The following NBEAL2 variants were observed in gnomAD, a reference collection of about 807,000 sequenced individuals.
The protein encoded by NBEAL2 is neurobeachin-like protein 2.
Under a neutral mutation model 299.8 loss-of-function variants are expected in NBEAL2, and 160 were observed. That is an observed-to-expected ratio of 0.53 (90% confidence interval 0.47 to 0.61). NBEAL2 has a LOEUF of 0.61. Ranked by LOEUF, NBEAL2 falls within the 20% of genes least tolerant of loss-of-function variation. The pLI is 0.00. For synonymous variants in NBEAL2, 1,493 were observed against 1,542.3 expected, an observed-to-expected ratio of 0.97 and a Z score of 0.75; for missense variants, 3,112 against 3,649.0, an observed-to-expected ratio of 0.85 and a Z score of 3.79.
intron 1 of NBEAL2, among the ~76,000 whole-genome samples, chr3:46,984,702 G>A (rs1001197939): frequency 4.6e-5 from 7 of 152,102 alleles, no homozygotes; most frequent in East Asian, 1.9e-4. Flanking sequence ...GCTCACTACC[G>A]CCCAGGCAGC....
Position 47,006,078 on chromosome 3 carries a change from G to A in NBEAL2, c.6919+15G>A, listed in dbSNP as rs1404306676. 4 of 1,612,930 alleles carry A rather than the reference G, an allele frequency of 2.5e-6. No individual in the cohort carries two copies. Among genetic ancestry groups the A allele is most frequent in the Non-Finnish European group, 3.4e-6 (4 of 1,179,272 alleles). On this transcript the variant is annotated intron_variant, in intron 43 of 53. Transcript: ENST00000450053. Reference sequence around the variant, plus strand: ...CACCTATGAGGGTGGGCAGTGCGCTGGACTCCAGTCAGGGCCAGGACAAGA... The same window carrying A: ...CACCTATGAGGGTGGGCAGTGCGCTAGACTCCAGTCAGGGCCAGGACAAGA...
chr3:46,994,668 C>T (rs1353464684), intron 12 of NBEAL2, 115 bp downstream of exon 12: 3 of 883,458 alleles, frequency 3.4e-6, no homozygotes, highest in African/African-American at 3.3e-5. Flanking sequence ...CCAGTACATA[C>T]TGTTACCTGT....
In NBEAL2 at chr3:47,000,174, G is replaced by A; in HGVS notation, c.4075G>A (p.Gly1359Ser). Residue 1359 changes from glycine to serine, a missense_variant, in exon 27 of 54, where the codon GGC becomes AGC. By Grantham distance (56) the Gly-to-Ser change is moderately conservative. Coordinates refer to ENST00000450053, the MANE Select transcript of NBEAL2 (RefSeq NM_015175.3). This position sits in a 1 kb window ranked among gnomAD's most constrained non-coding sequence, Gnocchi z 4.5. Reference sequence around the variant, plus strand: ...CCCATTCTGCACGCCCTTTGACCTGGGCCTGGAACGGTCTAGTGTAGGATC... The same window carrying A: ...CCCATTCTGCACGCCCTTTGACCTGAGCCTGGAACGGTCTAGTGTAGGATC... Reference protein sequence around the residue: ...LSPFCTPFDLGLERSSVGSGN... With the variant: ...LSPFCTPFDLSLERSSVGSGN... The A allele has an allele frequency of 1.2e-6, 2 of 1,613,772 alleles. No homozygotes were observed. Among genetic ancestry groups the A allele is most frequent in the Non-Finnish European group, 1.7e-6 (2 of 1,179,874 alleles).
chr3:47,008,307 G>A lies in NBEAL2; in HGVS notation c.7744G>A (p.Val2582Ile), dbSNP rs746929371. The change falls in exon 51 of 54, where the codon GTA (valine) becomes ATA (isoleucine). Residue 2582 changes from valine (V) to isoleucine (I), a missense_variant. Physicochemically the swap from Val to Ile is conservative, Grantham distance 29 (BLOSUM62 3). Transcript: ENST00000450053. ...SEDGTVIIHT[V>I]RRGQFVAALR... is the part of the protein sequence containing the mutation. Reference sequence around the variant, plus strand: ...GGATGGAACTGTGATCATACACACTGTACGCCGCGGACAGTTTGTAGCGGC... The same window carrying A: ...GGATGGAACTGTGATCATACACACTATACGCCGCGGACAGTTTGTAGCGGC... 1.9e-6 allele frequency: 3 copies of A among 1,613,056 alleles called. No homozygotes were observed. Among genetic ancestry groups the A allele is most frequent in the Non-Finnish European group, 2.5e-6 (3 of 1,179,424 alleles).
rs757481997 is a variant in NBEAL2, at chr3:47,009,292, C to G, written c.8237C>G (p.Thr2746Arg). ...ATCTCCCAGGTGTCCTCGGGAGAGA[C>G]GGAATACAACCCTACTGAGGCGCGC... The part of the protein sequence containing the change: ...RRISQVSSGE[T>R]EYNPTEAR The change falls in exon 54 of 54, where the codon ACG (threonine) becomes AGG (arginine). Residue 2746 changes from threonine (T) to arginine (R), a missense_variant. By Grantham distance (71) the Thr-to-Arg change is moderately conservative (BLOSUM62 -1). This residue lies in a region of NBEAL2 where 348 missense variants were observed against 381.4 expected (regional missense o/e 0.91). Transcript: ENST00000450053. The G allele has an allele frequency of 6.2e-7, 1 of 1,601,000 alleles. No individual in the cohort carries two copies. Among genetic ancestry groups the G allele is most frequent in the Admixed American group, 1.7e-5 (1 of 58,948 alleles).
intron 23 of NBEAL2, 24 bp from the exon 24 acceptor site, chr3:46,998,935 C>T (rs1367316538): frequency 6.2e-7 from 1 of 1,603,448 alleles, no homozygotes; most frequent in South Asian, 1.1e-5. Context: ...GGGCCCGACA[C>T]AGTGTGAGAC....
At position 46,989,696 on chromosome 3, in the gene NBEAL2, G is replaced by T; in HGVS notation, c.556+103G>T. 1 of 1,050,818 alleles carries T rather than the reference G, an allele frequency of 9.5e-7. No homozygotes were observed. Among genetic ancestry groups the T allele is most frequent in the Non-Finnish European group, 1.4e-6 (1 of 693,914 alleles). The allele number at this position is 1,050,818 out of a possible 1,614,324, so 65.1% of individuals were successfully genotyped here. A position where few individuals can be genotyped will look rare whatever the true frequency, so the allele number is the denominator to read the frequency against. On this transcript the variant is annotated intron_variant, in intron 6 of 53. Transcript: ENST00000450053. The surrounding 1 kb of genome is among the most constrained non-coding windows in gnomAD (Gnocchi z 5.5). ...ACACAGGAACCACTTGGTGGTGGCT[G>T]CATGCAGGACTGGGAGAACCAAAGA...
chr3:47,000,347 C>T lies in NBEAL2; in HGVS notation c.4248C>T (p.Gly1416=), dbSNP rs758751778. 4 of 1,602,106 alleles carry T rather than the reference C, an allele frequency of 2.5e-6. No homozygotes were observed. Among genetic ancestry groups the T allele is most frequent in the Admixed American group, 1.7e-5 (1 of 59,692 alleles). The change falls in exon 27 of 54, where the codon GGC becomes GGT. Residue 1416 remains glycine (G), a synonymous_variant. Coordinates refer to ENST00000450053, the MANE Select transcript of NBEAL2 (RefSeq NM_015175.3). The surrounding 1 kb of genome is among the most constrained non-coding windows in gnomAD (Gnocchi z 4.5). ...SSSLSNVLED[G]SLPEPTISGD... ...GTCTCTCCAATGTGCTGGAGGACGGCAGCCTCCCGGAGCCCACCATTAGCG... is the reference window on the plus strand; with the variant it reads ...GTCTCTCCAATGTGCTGGAGGACGGTAGCCTCCCGGAGCCCACCATTAGCG...
intron 40 of NBEAL2, 40 bp from the exon 41 acceptor site, chr3:47,005,449 A>G (rs1263471999): frequency 6.3e-7 from 1 of 1,599,562 alleles, no homozygotes; most frequent in Non-Finnish European, 8.5e-7. Context: ...CCCTGTCTCC[A>G]TTCTCCCCAC....
rs1401197418 is a variant in NBEAL2, at chr3:47,000,040, A to G, written c.3941A>G (p.Lys1314Arg). 6.2e-7 allele frequency: 1 copy of G among 1,612,914 alleles called. No individual in the cohort carries two copies. Among genetic ancestry groups the G allele is most frequent in the African/African-American group, 1.3e-5 (1 of 74,800 alleles). The change falls in exon 27 of 54, where the codon AAG becomes AGG. Residue 1314 changes from lysine (K) to arginine (R), a missense_variant. Around this residue, in one of 3 missense-constraint regions of NBEAL2, gnomAD observed 2,243 missense variants for 2,538.1 expected, o/e 0.88. Transcript: ENST00000450053. The surrounding 1 kb of genome is among the most constrained non-coding windows in gnomAD (Gnocchi z 4.5). ...PSSPESPTSP[K>R]PAPPKPPTES... ...TCCCCAGAGTCACCTACCTCCCCCA[A>G]GCCAGCCCCACCCAAGCCACCCACT... is the stretch of plus-strand genomic sequence containing the variant.
rs748565589 is a variant in NBEAL2 at position 46,996,779 on chromosome 3, T to G, written c.2502T>G (p.Pro834=). ...CCAATGAGACGGCACCCTTCAAGCC[T>G]GAGGGGGAGCTGCATGAGCTCAGCA... ...LGPNETAPFK[P]EGELHELSTR... The change falls in exon 17 of 54, where the codon CCT becomes CCG. Residue 834 remains proline (P), a synonymous_variant. Transcript: ENST00000450053. 1 of 1,612,594 alleles carries G rather than the reference T, an allele frequency of 6.2e-7. No individual in the cohort carries two copies. Among genetic ancestry groups the G allele is most frequent in the South Asian group, 1.1e-5 (1 of 91,066 alleles).
intron 23 of NBEAL2, 32 bp from the exon 24 acceptor site, chr3:46,998,927 G>T (rs1159356435): frequency 1.9e-6 from 3 of 1,598,968 alleles, no homozygotes; most frequent in East Asian, 4.5e-5. Context: ...GGGAGTGGGG[G>T]CCCGACACAG....
chr3:47,007,840 A>G lies in NBEAL2; in HGVS notation c.7532A>G (p.Asp2511Gly). 6.2e-7 allele frequency: 1 copy of G among 1,613,548 alleles called. No individual in the cohort carries two copies. The highest frequency in any genetic ancestry group is 1.3e-5 in the African/African-American group (1 of 75,022). The change falls in exon 49 of 54, where the codon GAC becomes GGC. Residue 2511 changes from aspartate (D) to glycine (G), a missense_variant. Coordinates refer to ENST00000450053, the MANE Select transcript of NBEAL2 (RefSeq NM_015175.3). ...HLDVVTCLAL[D>G]TCGIYLISGS... ...GATGTAGTAACCTGCCTTGCACTGGACACCTGTGGCATCTACCTCATCTCA... is the reference window on the plus strand; with the variant it reads ...GATGTAGTAACCTGCCTTGCACTGGGCACCTGTGGCATCTACCTCATCTCA...
Position 46,989,230 on chromosome 3 carries a change from G to A in NBEAL2, c.352-30G>A, listed in dbSNP as rs192490423. ...CAGGGAGGCAGGCGGTAGCCATGGCGGGGCTAACCCTCTCTCCCCACACCT... is the reference window on the plus strand; with the variant it reads ...CAGGGAGGCAGGCGGTAGCCATGGCAGGGCTAACCCTCTCTCCCCACACCT... On this transcript the variant is annotated intron_variant, in intron 4 of 53. Transcript: ENST00000450053. The surrounding 1 kb of genome is among the most constrained non-coding windows in gnomAD (Gnocchi z 5.5). The A allele has an allele frequency of 5.0e-5, 80 of 1,612,388 alleles. No homozygotes were observed. The African/African-American group carries it at 6.5e-4, about 13-fold the overall frequency.
At chr3:46,999,761 C>A in intron 26 of NBEAL2, 46 bp downstream of exon 26, 1 of 1,596,680 alleles carries the variant, frequency 6.3e-7, no homozygotes, top group East Asian at 2.3e-5. Flanking sequence ...AGGGTGGCTT[C>A]TACCCTCTGG....
In NBEAL2 at chr3:46,988,104, C is replaced by G. The variant is rs1249153805; in HGVS notation, c.52-565C>G. 1.7e-6 allele frequency: 2 copies of G among 1,199,130 alleles called. No individual in the cohort carries two copies. Among genetic ancestry groups the G allele is most frequent in the African/African-American group, 3.2e-5 (2 of 61,596 alleles). 74.3% of individuals were successfully genotyped at this position (1,199,130 alleles called of 1,614,324 possible). ...TAACCAGCAAGGGTGGGTGGAGGTT[C>G]CCGGGGCAAGGCAGGGCCGCACATG... On this transcript the variant is annotated intron_variant, in intron 1 of 53. Coordinates refer to ENST00000450053, the MANE Select transcript of NBEAL2 (RefSeq NM_015175.3). The surrounding 1 kb of genome is among the most constrained non-coding windows in gnomAD (Gnocchi z 4.4).
rs2037246279 is a variant in NBEAL2, at chr3:47,004,198, C to T, written c.6003C>T (p.Asn2001=). 1.2e-6 allele frequency: 2 copies of T among 1,613,720 alleles called. No homozygotes were observed. Among genetic ancestry groups the T allele is most frequent in the Non-Finnish European group, 1.7e-6 (2 of 1,179,834 alleles). Residue 2001 remains asparagine, a synonymous_variant, in exon 37 of 54, where the codon AAC becomes AAT. Transcript: ENST00000450053. This position sits in a 1 kb window ranked among gnomAD's most constrained non-coding sequence, Gnocchi z 5.0. ...TCGATCAGGCCAACTACTTCCTCAA[C>T]TTCCCATGCAAGGTGGGCACGACCC... The part of the protein sequence containing the change: ...FFIDQANYFL[N]FPCKVGTTPV...
Position 46,989,438 on chromosome 3 carries a change from G to T in NBEAL2, c.473+57G>T, listed in dbSNP as rs1465639755. On this transcript the variant is annotated intron_variant, in intron 5 of 53. Transcript: ENST00000450053. The surrounding 1 kb of genome is among the most constrained non-coding windows in gnomAD (Gnocchi z 5.5). ...AGGAGGGTGGGGAGAGGATGGCCGC[G>T]CTGGGCCCAAGGAGGGGTGACGGCC... 2 of 1,563,902 alleles carry T rather than the reference G, an allele frequency of 1.3e-6. No individual in the cohort carries two copies. The highest frequency in any genetic ancestry group is 1.7e-6 in the Non-Finnish European group (2 of 1,154,442).
At chr3:46,994,929 C>T in intron 12 of NBEAL2, 103 bp from the exon 13 acceptor site, 5 of 1,433,878 alleles carry the variant, frequency 3.5e-6, no homozygotes, top group Non-Finnish European at 4.6e-6. Flanking sequence ...TGGAGTAGAT[C>T]ATGTTGCTGA....
Sources: gnomAD v4.1 joint callset for allele counts (sites outside exome capture counted in the v4.1 genomes callset) on GRCh38, gnomAD v4.1.1 for gene constraint, gnomAD v4.1.1 regional missense constraint, Gnocchi (gnomAD v3.1) non-coding constraint, MANE v1.5 for transcripts, NCBI Gene and HGNC (gene_info 2026-07-23, HGNC 2026-07-21) for gene names.